LTBP2: variants seen among roughly 807,000 people sequenced by gnomAD.
LTBP2 encodes latent transforming growth factor beta binding protein 2, also known as latent-transforming growth factor beta-binding protein 2.
Under a neutral mutation model 210.6 loss-of-function variants are expected in LTBP2, and 103 were observed. The observed-to-expected ratio is 0.49, with a 90% CI of 0.42 to 0.58. LTBP2 has a LOEUF of 0.58. Ranked by LOEUF, LTBP2 falls within the 20% of genes least tolerant of loss-of-function variation. LTBP2 has a pLI of 0.00. For missense variants in LTBP2, 2,313 were observed against 2,494.5 expected, an observed-to-expected ratio of 0.93 and a Z score of 1.55; for synonymous variants, 1,007 against 1,015.0, an observed-to-expected ratio of 0.99 and a Z score of 0.15.
chr14:74,572,114 CAGACAGAT>C (rs1288262925), intron 3 of LTBP2, among the ~76,000 whole-genome samples: 1 of 152,204 alleles, frequency 6.6e-6, no homozygotes, highest in African/African-American at 2.4e-5. Flanking sequence ...GTGTCATCTG[CAGACAGAT>C]AGACACAGAC....
chr14:74,558,494 C>T (rs1299669676), intron 3 of LTBP2, among the ~76,000 whole-genome samples: 2 of 152,236 alleles, frequency 1.3e-5, no homozygotes, highest in African/African-American at 2.4e-5. Flanking sequence ...CTGGGAGCCT[C>T]GTCCTGGGTA....
In LTBP2 at chr14:74,611,567, G is replaced by C; in HGVS notation, c.378C>G (p.Pro126=). Residue 126 remains proline, a synonymous_variant, in exon 1 of 36, where the codon CCC becomes CCG. Coordinates refer to ENST00000261978, the MANE Select transcript of LTBP2 (RefSeq NM_000428.3). ...QPPAQTRRST[P]LGQQQPAPRT... ...GGGGTGCTGGTTGCTGCTGGCCCAG[G>C]GGAGTGCTTCTCCGGGTCTGCGCAG... is the stretch of plus-strand genomic sequence containing the variant. 6.3e-7 allele frequency: 1 copy of C among 1,578,816 alleles called. No homozygotes were observed. Among genetic ancestry groups the C allele is most frequent in the African/African-American group, 1.4e-5 (1 of 72,284 alleles).
At chr14:74,566,822 C>T (rs1203497879) in intron 3 of LTBP2, among the ~76,000 whole-genome samples, 5 of 152,176 alleles carry the variant, frequency 3.3e-5, no homozygotes, top group Admixed American at 1.3e-4. Flanking sequence ...ACCTCTTTGC[C>T]CTCATCAGTC....
chr14:74,551,599 C>T (rs2087657257), intron 6 of LTBP2, among the ~76,000 whole-genome samples: 1 of 152,176 alleles, frequency 6.6e-6, no homozygotes, highest in Non-Finnish European at 1.5e-5. Context: ...CTGATTCTAC[C>T]TCCCCCATGA....
intron 30 of LTBP2, 115 bp from the exon 31 acceptor site, chr14:74,504,169 G>A (rs2086952633): frequency 7.3e-7 from 1 of 1,371,478 alleles, no homozygotes; most frequent in Non-Finnish European, 1.0e-6. Context: ...CTTACTAGGT[G>A]GCTTTGGGCA....
rs969208256 is a variant in LTBP2 at position 74,499,601 on chromosome 14, G to A, written c.*1283C>T. The stretch of plus-strand genomic sequence containing the variant: ...GAAGTACGAAGTCAGAGCTTTCCTT[G>A]TCTTTTAATAGTAAAGAGTCATTTC... On this transcript the variant is annotated 3_prime_UTR_variant, in exon 36 of 36. Coordinates refer to ENST00000261978, the MANE Select transcript of LTBP2 (RefSeq NM_000428.3). 1.3e-5 allele frequency: 3 copies of A among 227,876 alleles called. No individual in the cohort carries two copies. Among genetic ancestry groups the A allele is most frequent in the Non-Finnish European group, 2.6e-5 (3 of 114,770 alleles). The allele number at this position is 227,876 out of a possible 1,614,324, so 14.1% of individuals were successfully genotyped here.
chr14:74,564,047 A>T (rs12890579), intron 3 of LTBP2, among the ~76,000 whole-genome samples: 76 of 48,894 alleles, frequency 1.6e-3, no homozygotes, highest in African/African-American at 6.2e-3. Context: ...ATATATATAT[A>T]TTTATATATA....
intron 25 of LTBP2, 94 bp downstream of exon 25, chr14:74,507,879 G>A (rs1412177751): frequency 6.4e-7 from 1 of 1,557,172 alleles, no homozygotes. Flanking sequence ...CTTCATCTGT[G>A]GAAAGTGCTC....
At chr14:74,552,704 G>C (rs2087676666) in intron 5 of LTBP2, among the ~76,000 whole-genome samples, 188 bp downstream of exon 5, 1 of 151,980 alleles carries the variant, frequency 6.6e-6, no homozygotes, top group Non-Finnish European at 1.5e-5. Context: ...TGGACTCAGA[G>C]AGGTTATGTG....
At chr14:74,592,221 G>A (rs937476441) in intron 2 of LTBP2, among the ~76,000 whole-genome samples, 5 of 152,208 alleles carry the variant, frequency 3.3e-5, no homozygotes, top group Non-Finnish European at 5.9e-5. Flanking sequence ...AGAGGCTATT[G>A]CTTAGAGCAA....
At position 74,500,971 on chromosome 14, in the gene LTBP2, G is replaced by T. The variant is rs764186326; in HGVS notation, c.5379C>A (p.Cys1793Ter). ...GPAVLCVHGY[C>*]ENTEGSYRCH... Reference sequence around the variant, plus strand: ...AGCGGTAGGAGCCCTCTGTGTTCTCGCAGTAACCATGGACACAGAGCACAG... The same window carrying T: ...AGCGGTAGGAGCCCTCTGTGTTCTCTCAGTAACCATGGACACAGAGCACAG... The change falls in exon 36 of 36, where the codon TGC becomes TGA. Residue 1793 changes from cysteine to a stop codon, truncating the protein, a stop_gained. Transcript: ENST00000261978. LOFTEE classifies it high-confidence loss of function. The T allele has an allele frequency of 6.2e-7, 1 of 1,614,084 alleles. No individual in the cohort carries two copies. The highest frequency in any genetic ancestry group is 1.1e-5 in the South Asian group (1 of 91,068).
intron 32 of LTBP2, 31 bp from the exon 33 acceptor site, chr14:74,503,417 C>T (rs767306132): frequency 1.2e-5 from 20 of 1,609,368 alleles, no homozygotes; most frequent in East Asian, 4.5e-5. Context: ...GGCACATGAG[C>T]CCCCCAGCCC....
At chr14:74,585,727 T>G in intron 3 of LTBP2, 127 bp downstream of exon 3, 3 of 1,432,770 alleles carry the variant, frequency 2.1e-6, no homozygotes, top group East Asian at 2.4e-5. Flanking sequence ...CCAAGGAGGG[T>G]GGGGAGGAGA....
At chr14:74,555,179 G>A (rs1041652547) in intron 4 of LTBP2, among the ~76,000 whole-genome samples, 1 of 152,154 alleles carries the variant, frequency 6.6e-6, no homozygotes, top group Non-Finnish European at 1.5e-5. Flanking sequence ...TTGTAGGAGG[G>A]ATGAGGTGGA....
chr14:74,550,031 T>A (rs2087630394), intron 7 of LTBP2, 66 bp from the exon 8 acceptor site: 1 of 1,081,886 alleles, frequency 9.2e-7, no homozygotes. Context: ...CACAGAGATG[T>A]CCCGGGAAAG....
chr14:74,548,489 C>T (rs1230242862), intron 8 of LTBP2, among the ~76,000 whole-genome samples: 1 of 152,030 alleles, frequency 6.6e-6, no homozygotes, highest in Non-Finnish European at 1.5e-5. Context: ...GGGGCTTAGT[C>T]AATGTAAATA....
rs1471388314 is a variant in LTBP2 at position 74,509,873 on chromosome 14, T to C, written c.3152-14A>G. ...ACTCATCCACATCTGAAATAGGGCA[T>C]TGCATTCTGTGTGGGACTCTGCAGG... On this transcript the variant is annotated splice_polypyrimidine_tract_variant and intron_variant, in intron 20 of 35. Transcript: ENST00000261978. The C allele has an allele frequency of 1.2e-6, 2 of 1,613,870 alleles. No homozygotes were observed. Among genetic ancestry groups the C allele is most frequent in the Non-Finnish European group, 1.7e-6 (2 of 1,180,016 alleles).
intron 19 of LTBP2, 38 bp downstream of exon 19, chr14:74,511,207 C>T (rs747713532): frequency 8.1e-6 from 13 of 1,612,876 alleles, no homozygotes; most frequent in South Asian, 3.3e-5. Context: ...GTCCCAAGGC[C>T]GAATGGCTGG....
At chr14:74,519,694 A>G (rs862042) in intron 17 of LTBP2, among the ~76,000 whole-genome samples, 9,326 of 151,980 alleles carry the variant, frequency 0.061, 666 homozygotes, top group East Asian at 0.22. Flanking sequence ...CCAGCCTTGA[A>G]CCCCATCCCC....
Sources: allele counts gnomAD v4.1 joint callset (sites outside exome capture counted in the v4.1 genomes callset), GRCh38; gene constraint gnomAD v4.1.1; transcripts MANE v1.5; gene names NCBI Gene and HGNC (gene_info 2026-07-23, HGNC 2026-07-21).